The following IL1RAPL2 variants were observed in gnomAD, a reference collection of about 807,000 sequenced individuals.
IL1RAPL2 encodes X-linked interleukin-1 receptor accessory protein-like 2.
IL1RAPL2 carries 3 observed loss-of-function variants against 44.1 expected under a neutral mutation model. That is an observed-to-expected ratio of 0.07 (90% confidence interval 0.03 to 0.18). The LOEUF (loss-of-function observed/expected upper bound fraction) is 0.18. Among genes scored for constraint, IL1RAPL2 ranks in the 10% least tolerant of loss-of-function variants. IL1RAPL2 has a pLI of 1.00. For synonymous variants in IL1RAPL2, 181 were observed against 178.8 expected, an observed-to-expected ratio of 1.01 and a Z score of -0.10; for missense variants, 391 against 496.4, an observed-to-expected ratio of 0.79 and a Z score of 2.02.
At chrX:104,877,429 T>C (rs1254403122) in intron 2 of IL1RAPL2, among the ~76,000 whole-genome samples, 1 of 112,102 alleles carries the variant, frequency 8.9e-6, no homozygotes, top group Non-Finnish European at 1.9e-5. Context: ...GAGGGAATCC[T>C]CCCTAACTCA....
chrX:105,748,758 T>C (rs2038571118), intron 8 of IL1RAPL2, among the ~76,000 whole-genome samples: 1 of 112,457 alleles, frequency 8.9e-6, no homozygotes, highest in Non-Finnish European at 1.9e-5. Flanking sequence ...CCACTTTTAA[T>C]AGTAAATTAA....
At chrX:105,241,193 C>T (rs782694367) in intron 4 of IL1RAPL2, among the ~76,000 whole-genome samples, 23 of 111,619 alleles carry the variant, frequency 2.1e-4, no homozygotes, top group Non-Finnish European at 3.8e-4. Flanking sequence ...TCAAAAGAGA[C>T]TTAATTTCGA....
At chrX:104,914,715 C>G (rs1403543729) in intron 2 of IL1RAPL2, among the ~76,000 whole-genome samples, 3 of 110,644 alleles carry the variant, frequency 2.7e-5, no homozygotes, top group Non-Finnish European at 3.8e-5. Context: ...ATCCCTCCCC[C>G]ATCCCCCACC....
intron 6 of IL1RAPL2, among the ~76,000 whole-genome samples, chrX:105,570,945 T>TG (rs1475293478): frequency 9.5e-4 from 106 of 111,402 alleles, no homozygotes; most frequent in Non-Finnish European, 1.4e-3. Flanking sequence ...GTGTAGGAAT[T>TG]GGGGAGGGAG....
intron 5 of IL1RAPL2, among the ~76,000 whole-genome samples, chrX:105,297,029 G>C: frequency 8.9e-6 from 1 of 111,978 alleles, no homozygotes; most frequent in Non-Finnish European, 1.9e-5. Flanking sequence ...TAAAATAGTG[G>C]TAAGTGCTAA....
intron 5 of IL1RAPL2, among the ~76,000 whole-genome samples, chrX:105,382,723 A>G (rs1411368642): frequency 1.0e-5 from 1 of 98,867 alleles, no homozygotes; most frequent in East Asian, 2.9e-4. Flanking sequence ...ACCAACCCAA[A>G]TGTCCAACAA....
intron 8 of IL1RAPL2, among the ~76,000 whole-genome samples, chrX:105,747,448 TTCTCTC>T (rs746410456): frequency 0.099 from 8,380 of 84,324 alleles, 485 homozygotes; most frequent in South Asian, 0.23. Context: ...TGATTGGCTG[TTCTCTC>T]TCTCTCTCTC....
intron 5 of IL1RAPL2, among the ~76,000 whole-genome samples, chrX:105,323,454 G>A (rs2034911145): frequency 8.9e-6 from 1 of 111,892 alleles, no homozygotes; most frequent in African/African-American, 3.2e-5. Flanking sequence ...ACAATCATCA[G>A]TGCTGTGCGC....
At position 105,447,257 on chromosome X, in the gene IL1RAPL2, A is replaced by AAT. The variant is rs1325559208; in HGVS notation, c.698-37048_698-37047dup. On this transcript the variant is annotated intron_variant, in intron 5 of 10. Transcript: ENST00000372582. ...ATATATATAAATATAAATATATATA[A>AAT]ATATATATAAATATATATAAAATAT... Among the ~76,000 whole-genome samples the AAT allele has an allele frequency of 5.9e-3, 191 of 32,478 alleles. 15 individuals carry two copies. In the African/African-American group the frequency reaches 0.14, roughly 23 times the overall value. The allele number at this position is 32,478 out of a possible 115,157, so 28.2% of individuals were successfully genotyped here.
At chrX:105,472,082 G>T (rs2036169328) in intron 5 of IL1RAPL2, among the ~76,000 whole-genome samples, 1 of 110,737 alleles carries the variant, frequency 9.0e-6, no homozygotes, top group South Asian at 3.8e-4. Flanking sequence ...GAGGGGTGGT[G>T]GTGGTACAGA....
chrX:104,938,401 T>A (rs1309325781), intron 2 of IL1RAPL2, among the ~76,000 whole-genome samples: 2 of 111,998 alleles, frequency 1.8e-5, no homozygotes, highest in Non-Finnish European at 3.8e-5. Flanking sequence ...TGGAATATTC[T>A]AATAGCAATT....
At chrX:105,498,858 C>T (rs921770204) in intron 6 of IL1RAPL2, among the ~76,000 whole-genome samples, 3 of 111,540 alleles carry the variant, frequency 2.7e-5, no homozygotes, top group Non-Finnish European at 3.8e-5. Flanking sequence ...CAGTCTGTGG[C>T]CTTTTGGGAA....
At chrX:104,654,277 A>T (rs936910628) in intron 1 of IL1RAPL2, among the ~76,000 whole-genome samples, 5 of 111,619 alleles carry the variant, frequency 4.5e-5, no homozygotes, top group African/African-American at 1.6e-4. Context: ...GTAAATGCTG[A>T]TCAGTCTTAT....
intron 2 of IL1RAPL2, among the ~76,000 whole-genome samples, chrX:104,743,285 C>A (rs753236794): frequency 2.8e-5 from 3 of 106,756 alleles, no homozygotes; most frequent in Non-Finnish European, 5.8e-5. Flanking sequence ...TTGCTTCAGA[C>A]CTTTTTTCTG....
intron 2 of IL1RAPL2, among the ~76,000 whole-genome samples, chrX:105,147,532 A>C (rs749420557): frequency 9.0e-6 from 1 of 111,670 alleles, no homozygotes; most frequent in South Asian, 3.8e-4. Flanking sequence ...GGCAACCATG[A>C]ATCTACTTTC....
intron 6 of IL1RAPL2, among the ~76,000 whole-genome samples, chrX:105,607,705 A>G (rs1248013949): frequency 9.4e-6 from 1 of 106,612 alleles, no homozygotes; most frequent in Non-Finnish European, 1.9e-5. Context: ...GGGCCAATAC[A>G]CAGAGGTATG....
chrX:104,989,453 C>A (rs908914416), intron 2 of IL1RAPL2, among the ~76,000 whole-genome samples: 1 of 111,403 alleles, frequency 9.0e-6, no homozygotes, highest in South Asian at 3.7e-4. Flanking sequence ...AAGGATAATT[C>A]TCATTAAATA....
At chrX:105,142,286 T>G (rs1447817861) in intron 2 of IL1RAPL2, among the ~76,000 whole-genome samples, 2 of 112,021 alleles carry the variant, frequency 1.8e-5, no homozygotes, top group East Asian at 5.6e-4. Context: ...ATAACTATCT[T>G]TATTCTTATC....
At chrX:104,708,354 C>T (rs980490547) in intron 2 of IL1RAPL2, among the ~76,000 whole-genome samples, 1 of 110,965 alleles carries the variant, frequency 9.0e-6, no homozygotes, top group South Asian at 3.8e-4. Context: ...TTTATCTCCT[C>T]ATGCCTTCTA....
Sources: gnomAD v4.1 joint callset for allele counts (sites outside exome capture counted in the v4.1 genomes callset) on GRCh38, gnomAD v4.1.1 for gene constraint, MANE v1.5 for transcripts, NCBI Gene and HGNC (gene_info 2026-07-23, HGNC 2026-07-21) for gene names.